Variants in MCU observed in about 807,000 individuals in gnomAD.
The protein encoded by MCU is mitochondrial calcium uniporter.
MCU carries 12 observed loss-of-function variants against 45.2 expected under a neutral mutation model. The ratio of observed to expected loss-of-function variants is 0.27; its 90% CI spans 0.17 to 0.43. The LOEUF is 0.43. Ranked by LOEUF, MCU falls within the 20% of genes least tolerant of loss-of-function variation. The probability of loss-of-function intolerance (pLI) is 1.00; values close to 1 mark genes in which losing one functional copy is unlikely to be tolerated. For synonymous variants in MCU, 160 were observed against 165.1 expected (o/e 0.97, Z 0.24); for missense variants, 324 against 436.7 (o/e 0.74, Z 2.30).
intron 1 of MCU, among the ~76,000 whole-genome samples, chr10:72,801,834 G>T (rs901367055): frequency 2.6e-5 from 4 of 151,604 alleles, no homozygotes; most frequent in African/African-American, 9.7e-5. Flanking sequence ...ACTATGCCTG[G>T]CTAAGTTTTT....
chr10:72,796,391 A>G (rs1178751253), intron 1 of MCU, among the ~76,000 whole-genome samples: 1 of 152,230 alleles, frequency 6.6e-6, no homozygotes, highest in Non-Finnish European at 1.5e-5. Flanking sequence ...ACTGCACTTC[A>G]GCCTGGGTAC....
intron 1 of MCU, among the ~76,000 whole-genome samples, chr10:72,797,141 TAA>T: frequency 6.6e-6 from 1 of 152,242 alleles, no homozygotes; most frequent in South Asian, 2.1e-4. Context: ...GTCTAAGAAG[TAA>T]AAGTCTCCTG....
At chr10:72,718,699 A>G (rs1421803530) in intron 1 of MCU, among the ~76,000 whole-genome samples, 1 of 152,244 alleles carries the variant, frequency 6.6e-6, no homozygotes, top group Non-Finnish European at 1.5e-5. Context: ...AAAAATGTTC[A>G]TGGCAGGACT....
intron 2 of MCU, among the ~76,000 whole-genome samples, chr10:72,841,083 C>CGA (rs2132844376): frequency 6.6e-6 from 1 of 152,240 alleles, no homozygotes; most frequent in Non-Finnish European, 1.5e-5. Flanking sequence ...GAATTGGAAA[C>CGA]TAACTCATTT....
At chr10:72,703,265 A>T (rs1842780731) in intron 1 of MCU, among the ~76,000 whole-genome samples, 1 of 152,210 alleles carries the variant, frequency 6.6e-6, no homozygotes, top group Non-Finnish European at 1.5e-5. Context: ...TGACCCAGGT[A>T]CTGTTTTTAT....
At chr10:72,768,775 A>T (rs745895178) in intron 1 of MCU, among the ~76,000 whole-genome samples, 167 of 150,314 alleles carry the variant, frequency 1.1e-3, no homozygotes, top group Non-Finnish European at 1.6e-3. Context: ...TTAGTTTTTT[A>T]AAAAAAATTA....
At chr10:72,734,758 C>T (rs866440864) in intron 1 of MCU, among the ~76,000 whole-genome samples, 3 of 151,864 alleles carry the variant, frequency 2.0e-5, no homozygotes, top group African/African-American at 7.3e-5. Flanking sequence ...GGACCAAAGG[C>T]GTGTGACACC....
rs962739662 is a variant in MCU, at chr10:72,868,925, T to G, written c.657+62T>G. The G allele has an allele frequency of 2.3e-5, 35 of 1,521,534 alleles. No homozygotes were observed. The African/African-American group carries it at 4.6e-4, about 20-fold the overall frequency. The allele number at this position is 1,521,534 out of a possible 1,614,324, so 94.3% of individuals were successfully genotyped here. ...GTATTTTTTCCAGAGCATATATGTT[T>G]CTGTTTTTTCTTGTAAGTTTTATGC... is the stretch of plus-strand genomic sequence containing the variant. On this transcript the variant is annotated intron_variant, in intron 5 of 7. Transcript: ENST00000373053.
intron 1 of MCU, among the ~76,000 whole-genome samples, chr10:72,741,774 A>G (rs1408696926): frequency 6.6e-6 from 1 of 152,166 alleles, no homozygotes; most frequent in Non-Finnish European, 1.5e-5. Context: ...CACGCCGGTA[A>G]TCCCAGCACT....
chr10:72,763,960 A>T (rs1843691197), intron 1 of MCU, among the ~76,000 whole-genome samples: 1 of 152,174 alleles, frequency 6.6e-6, no homozygotes, highest in Admixed American at 6.5e-5. Context: ...CCAAAGAATG[A>T]ACCTTGATTA....
At chr10:72,807,737 G>T (rs1231790063) in intron 1 of MCU, among the ~76,000 whole-genome samples, 1 of 152,052 alleles carries the variant, frequency 6.6e-6, no homozygotes, top group Non-Finnish European at 1.5e-5. Context: ...CTGTTCTAAG[G>T]GATGGCCAAC....
intron 1 of MCU, chr10:72,736,560 C>T (rs527589758): frequency 1.3e-5 from 2 of 152,310 alleles, no homozygotes; most frequent in African/African-American, 4.8e-5. Context: ...ATGACCAACA[C>T]TTGCATCCTG....
At chr10:72,804,295 G>T (rs1450662197) in intron 1 of MCU, among the ~76,000 whole-genome samples, 1 of 151,070 alleles carries the variant, frequency 6.6e-6, no homozygotes, top group African/African-American at 2.4e-5. Flanking sequence ...CACCATGTTG[G>T]CCAGGCTGGT....
intron 1 of MCU, among the ~76,000 whole-genome samples, chr10:72,804,120 T>G (rs1282726762): frequency 1.5e-5 from 2 of 132,518 alleles, no homozygotes; most frequent in Non-Finnish European, 3.2e-5. Context: ...TGAGACAGAG[T>G]CTCTCACTCA....
intron 1 of MCU, chr10:72,715,903 G>GT (rs1390687962): frequency 1.0e-6 from 1 of 984,966 alleles, no homozygotes; most frequent in Non-Finnish European, 1.2e-6. Flanking sequence ...ACATTCGCAG[G>GT]TATGTGAAGA....
chr10:72,819,333 A>G (rs1646752012), intron 1 of MCU, among the ~76,000 whole-genome samples: 1 of 152,226 alleles, frequency 6.6e-6, no homozygotes, highest in South Asian at 2.1e-4. Flanking sequence ...AGCTACACAC[A>G]TACAATCAAG....
intron 1 of MCU, among the ~76,000 whole-genome samples, chr10:72,783,104 C>T (rs1686719351): frequency 6.6e-6 from 1 of 152,182 alleles, no homozygotes; most frequent in African/African-American, 2.4e-5. Context: ...TCAATATTCA[C>T]CCTAAGTACT....
At chr10:72,736,510 C>A (rs1285619021) in intron 1 of MCU, 2 of 152,142 alleles carry the variant, frequency 1.3e-5, no homozygotes, top group African/African-American at 4.8e-5. Context: ...CCCCCAGAGA[C>A]CAAGGGTTGG....
intron 1 of MCU, among the ~76,000 whole-genome samples, chr10:72,809,884 A>T (rs567657675): frequency 6.6e-6 from 1 of 152,272 alleles, no homozygotes; most frequent in African/African-American, 2.4e-5. Flanking sequence ...AATTCAAAGA[A>T]AAGAATTTCA....
Sources: allele counts gnomAD v4.1 joint callset (sites outside exome capture counted in the v4.1 genomes callset), GRCh38; gene constraint gnomAD v4.1.1; transcripts MANE v1.5; gene names NCBI Gene and HGNC (gene_info 2026-07-23, HGNC 2026-07-21).